Variants in METTL8 observed in about 807,000 individuals in gnomAD.
METTL8 encodes methyltransferase 8, tRNA N3-cytidine, also known as tRNA N(3)-cytidine methyltransferase METTL8, mitochondrial.
METTL8 carries 32 observed loss-of-function variants against 48.7 expected under a neutral mutation model. The ratio of observed to expected loss-of-function variants is 0.66; its 90% CI spans 0.50 to 0.88. METTL8 has a LOEUF of 0.88. METTL8 is among the 40% of genes least tolerant of loss of function. The pLI is 0.00. For missense variants in METTL8, 464 were observed against 474.4 expected (o/e 0.98, Z 0.20); for synonymous variants, 136 against 157.1 (o/e 0.87, Z 1.01).
intron 1 of METTL8, among the ~76,000 whole-genome samples, chr2:171,430,793 G>C (rs1304818788): frequency 6.6e-6 from 1 of 152,156 alleles, no homozygotes; most frequent in African/African-American, 2.4e-5. Context: ...TAAATCTATG[G>C]ACCAGATCGA....
At chr2:171,338,208 A>G (rs969448721) in intron 4 of METTL8, among the ~76,000 whole-genome samples, 1 of 152,238 alleles carries the variant, frequency 6.6e-6, no homozygotes, top group African/African-American at 2.4e-5. Context: ...AAGTAAAATT[A>G]TAGTACTCCA....
chr2:171,391,098 C>T (rs953874672), intron 2 of METTL8, among the ~76,000 whole-genome samples: 1 of 152,178 alleles, frequency 6.6e-6, no homozygotes, highest in East Asian at 1.9e-4. Flanking sequence ...ACAGCCACTC[C>T]AACCACCACC....
chr2:171,426,767 T>C (rs1393911568), intron 1 of METTL8, among the ~76,000 whole-genome samples: 2 of 152,226 alleles, frequency 1.3e-5, no homozygotes, highest in East Asian at 3.8e-4. Flanking sequence ...AATAAATTTC[T>C]AAAAGTGACT....
intron 5 of METTL8, among the ~76,000 whole-genome samples, chr2:171,334,369 T>G (rs1685868451): frequency 6.6e-6 from 1 of 152,172 alleles, no homozygotes; most frequent in Admixed American, 6.5e-5. Context: ...TTCCAGAACC[T>G]TTCTGTAAAA....
intron 7 of METTL8, among the ~76,000 whole-genome samples, chr2:171,326,645 G>A (rs562258365): frequency 6.6e-6 from 1 of 152,218 alleles, no homozygotes; most frequent in East Asian, 1.9e-4. Flanking sequence ...CCTCATGAAA[G>A]AGAAATTATT....
At chr2:171,338,523 C>G (rs895730453) in intron 4 of METTL8, among the ~76,000 whole-genome samples, 8 of 151,752 alleles carry the variant, frequency 5.3e-5, no homozygotes, top group African/African-American at 1.9e-4. Flanking sequence ...GCCTGTAATC[C>G]CAGCTACTCA....
chr2:171,355,130 C>T (rs1418349295), intron 3 of METTL8, among the ~76,000 whole-genome samples: 4 of 152,112 alleles, frequency 2.6e-5, no homozygotes, highest in Non-Finnish European at 4.4e-5. Flanking sequence ...ATCATGGTGA[C>T]GTACAGATGG....
At chr2:171,409,497 C>T (rs1197295072) in intron 1 of METTL8, among the ~76,000 whole-genome samples, 1 of 152,066 alleles carries the variant, frequency 6.6e-6, no homozygotes, top group East Asian at 1.9e-4. Flanking sequence ...ATGAAAGTAA[C>T]AATCAAGTCT....
chr2:171,365,421 C>A (rs1203957376), intron 2 of METTL8, among the ~76,000 whole-genome samples: 1 of 152,190 alleles, frequency 6.6e-6, no homozygotes. Flanking sequence ...TCCTACCCCT[C>A]CCATTTGCCC....
At chr2:171,397,050 A>G (rs1178008) in intron 1 of METTL8, among the ~76,000 whole-genome samples, 150,259 of 150,560 alleles carry the variant, frequency 1, 74,979 homozygotes, top group Middle Eastern at 1. Flanking sequence ...TTGAACTCCT[A>G]GGCTCAAGGG....
intron 1 of METTL8, among the ~76,000 whole-genome samples, chr2:171,397,571 AAAAAG>A (rs1173140312): frequency 1.3e-5 from 2 of 149,994 alleles, no homozygotes; most frequent in Admixed American, 6.7e-5. Flanking sequence ...AAAAAAAAAA[AAAAAG>A]AGAGAGAGAG....
chr2:171,428,887 T>A (rs1692684600), intron 1 of METTL8, among the ~76,000 whole-genome samples: 1 of 152,008 alleles, frequency 6.6e-6, no homozygotes, highest in Non-Finnish European at 1.5e-5. Context: ...TCAGCAAACA[T>A]GTCAGAACCA....
At chr2:171,374,667 C>G (rs1409144276) in intron 2 of METTL8, among the ~76,000 whole-genome samples, 1 of 151,762 alleles carries the variant, frequency 6.6e-6, no homozygotes, top group African/African-American at 2.4e-5. Flanking sequence ...CCCTTCTCCC[C>G]ACTCACCTCC....
intron 3 of METTL8, among the ~76,000 whole-genome samples, chr2:171,354,306 T>A (rs1284378897): frequency 6.6e-6 from 1 of 152,238 alleles, no homozygotes; most frequent in Non-Finnish European, 1.5e-5. Context: ...TTCTGACTTG[T>A]AGAGTTTCTG....
upstream of METTL8, chr2:171,434,138 G>C: frequency 2.9e-6 from 1 of 343,702 alleles, no homozygotes; most frequent in African/African-American, 2.2e-5. Flanking sequence ...CAGCCTCCGC[G>C]GGCCGGAGGA....
intron 3 of METTL8, among the ~76,000 whole-genome samples, chr2:171,341,834 T>TACACACACACAC (rs56145145): frequency 1.0e-4 from 15 of 147,298 alleles, no homozygotes; most frequent in African/African-American, 3.5e-4. Context: ...AATATTCATG[T>TACACACACACAC]ACACACACAC....
chr2:171,346,008 G>A (rs1483515726), intron 3 of METTL8, among the ~76,000 whole-genome samples: 1 of 151,958 alleles, frequency 6.6e-6, no homozygotes, highest in Non-Finnish European at 1.5e-5. Context: ...AGAAATGAGG[G>A]CCTGGATCTA....
intron 1 of METTL8, among the ~76,000 whole-genome samples, chr2:171,413,812 T>C (rs1690996201): frequency 6.6e-6 from 1 of 152,210 alleles, no homozygotes; most frequent in South Asian, 2.1e-4. Context: ...TTCTGTCATT[T>C]TGGCGAAGGT....
At chr2:171,417,277 C>T (rs1055163724) in intron 1 of METTL8, among the ~76,000 whole-genome samples, 2 of 152,064 alleles carry the variant, frequency 1.3e-5, no homozygotes, top group Non-Finnish European at 2.9e-5. Flanking sequence ...ATGATTTTCC[C>T]CATGAAAACA....
Sources: allele counts gnomAD v4.1 joint callset (sites outside exome capture counted in the v4.1 genomes callset), GRCh38; gene constraint gnomAD v4.1.1; transcripts MANE v1.5; gene names NCBI Gene and HGNC (gene_info 2026-07-23, HGNC 2026-07-21).